Variants in GREB1 observed in about 807,000 individuals in gnomAD.
GREB1 encodes the protein growth regulating estrogen receptor binding 1.
In GREB1, 106 loss-of-function variants were observed where a neutral mutation model predicts 200.7. That is an observed-to-expected ratio of 0.53 (90% CI 0.45 to 0.62). GREB1 has a LOEUF of 0.62. Ranked by LOEUF, GREB1 falls within the 20% of genes least tolerant of loss-of-function variation. The probability of loss-of-function intolerance (pLI) is 0.00; values close to 1 mark genes in which losing one functional copy is unlikely to be tolerated. For missense variants in GREB1, 2,243 were observed against 2,556.8 expected (o/e 0.88, Z 2.65); for synonymous variants, 1,132 against 1,092.4 (o/e 1.04, Z -0.72).
chr2:11,514,388 C>CT (rs1246127368), intron 1 of GREB1, among the ~76,000 whole-genome samples: 2 of 152,232 alleles, frequency 1.3e-5, no homozygotes, highest in Admixed American at 6.5e-5. Context: ...GTTGGAGACT[C>CT]TGACTCCAGA....
chr2:11,548,217 G>GCCAGACATGTGCACACATGTGCACATAC lies in GREB1; in HGVS notation c.-161-8233_-161-8206dup, dbSNP rs1301874984. ...CACCACACATTCTCACATGCACACA[G>GCCAGACATGTGCACACATGTGCACATAC]CCAGACATGTGCACACATGTGCACA... is the stretch of plus-strand genomic sequence containing the variant. On this transcript the variant is annotated intron_variant, in intron 1 of 32. Transcript: ENST00000381486. This position sits in a 1 kb window ranked among gnomAD's most constrained non-coding sequence, Gnocchi z 5.1. Among the ~76,000 whole-genome samples, 1 of 149,486 alleles carries GCCAGACATGTGCACACATGTGCACATAC rather than the reference G, an allele frequency of 6.7e-6. No individual in the cohort carries two copies. The highest frequency in any genetic ancestry group is 1.5e-5 in the Non-Finnish European group (1 of 67,674).
At chr2:11,631,172 G>A (rs1684845374) in intron 26 of GREB1, among the ~76,000 whole-genome samples, 1 of 152,176 alleles carries the variant, frequency 6.6e-6, no homozygotes, top group African/African-American at 2.4e-5. Context: ...ACAGTGTTGT[G>A]GCAGGTGCTC....
chr2:11,546,823 T>G (rs1056707337), intron 1 of GREB1, among the ~76,000 whole-genome samples: 2 of 152,204 alleles, frequency 1.3e-5, no homozygotes, highest in African/African-American at 4.8e-5. Flanking sequence ...TGCCTTAACT[T>G]TCTATAAAAT....
intron 4 of GREB1, among the ~76,000 whole-genome samples, chr2:11,567,107 CTGTTTGTTTGCT>C (rs1386155678): frequency 6.6e-6 from 1 of 152,106 alleles, no homozygotes; most frequent in Non-Finnish European, 1.5e-5. Context: ...AATACATGGT[CTGTTTGTTTGCT>C]TGTTTGTTTG....
At position 11,639,463 on chromosome 2, in the gene GREB1, G is replaced by A. The variant is rs115049596; in HGVS notation, c.5686+654G>A. On this transcript the variant is annotated intron_variant, in intron 32 of 32. Transcript: ENST00000381486. ...GCTGACACTCTTCCTCCTGGTAGAC[G>A]AGTCTTTCTCCTCATCCTGGGAGGT... 1.1e-3 allele frequency among the ~76,000 whole-genome samples: 164 copies of A among 152,294 alleles called. 1 individual carries two copies. Among genetic ancestry groups the A allele is most frequent in the African/African-American group, 3.8e-3 (158 of 41,552 alleles).
upstream of GREB1, among the ~76,000 whole-genome samples, chr2:11,529,305 A>T (rs1187441185): frequency 6.6e-6 from 1 of 152,236 alleles, no homozygotes; most frequent in African/African-American, 2.4e-5. Context: ...TGGCTTAGGA[A>T]TTGGAAAGAA....
In GREB1 at chr2:11,595,234, A is replaced by G; in HGVS notation, c.1697-17A>G. On this transcript the variant is annotated splice_polypyrimidine_tract_variant and intron_variant, in intron 11 of 32. Coordinates refer to ENST00000381486, the MANE Select transcript of GREB1 (RefSeq NM_014668.4). ...GGGAAGATACAATGGGTACTGTGAAATCTGTTTGCTTTCCAGGAAAATACC... is the reference window on the plus strand; with the variant it reads ...GGGAAGATACAATGGGTACTGTGAAGTCTGTTTGCTTTCCAGGAAAATACC... 1 of 1,607,394 alleles carries G rather than the reference A, an allele frequency of 6.2e-7. No homozygotes were observed. The highest frequency in any genetic ancestry group is 1.7e-4 in the Middle Eastern group (1 of 6,052).
rs1685760896 is a variant in GREB1, at chr2:11,640,775, A to C, written c.*321A>C. The C allele has an allele frequency of 3.6e-6, 1 of 277,216 alleles. No individual in the cohort carries two copies. Among genetic ancestry groups the C allele is most frequent in the Non-Finnish European group, 6.7e-6 (1 of 150,112 alleles). The allele number at this position is 277,216 out of a possible 1,614,324, so 17.2% of individuals were successfully genotyped here. ...TCGTGTGCTTCCATGGACAAACCTG[A>C]TTTTTTTCTCTTAGTTCTAAAGAAT... is the stretch of plus-strand genomic sequence containing the variant. On this transcript the variant is annotated 3_prime_UTR_variant, in exon 33 of 33. Coordinates refer to ENST00000381486, the MANE Select transcript of GREB1 (RefSeq NM_014668.4). This position sits in a 1 kb window ranked among gnomAD's most constrained non-coding sequence, Gnocchi z 4.6.
intron 24 of GREB1, 122 bp downstream of exon 24, chr2:11,625,434 A>G (rs901264625): frequency 3.2e-6 from 3 of 934,106 alleles, no homozygotes; most frequent in Non-Finnish European, 5.0e-6. Flanking sequence ...CATACCTAGT[A>G]CAGAACTGAG....
chr2:11,629,833 C>A lies in GREB1; in HGVS notation c.4450-115C>A. On this transcript the variant is annotated intron_variant, in intron 25 of 32. Transcript: ENST00000381486. The surrounding 1 kb of genome is among the most constrained non-coding windows in gnomAD (Gnocchi z 5.2). ...GGAGTCACCCCGTGGGTTTCTTGTG[C>A]TGTAGGGAAGTGGTGACTGTGAGCT... 1 of 1,033,568 alleles carries A rather than the reference C, an allele frequency of 9.7e-7. No individual in the cohort carries two copies. Among genetic ancestry groups the A allele is most frequent in the Non-Finnish European group, 1.4e-6 (1 of 691,496 alleles). 64.0% of individuals were successfully genotyped at this position (1,033,568 alleles called of 1,614,324 possible). A position where few individuals can be genotyped will look rare whatever the true frequency, so the allele number is the denominator to read the frequency against.
In GREB1 at chr2:11,566,546, C is replaced by T. The variant is rs142882892; in HGVS notation, c.344C>T (p.Ala115Val). The T allele has an allele frequency of 0.016, 25,728 of 1,614,008 alleles. 246 individuals are homozygous for T. Among genetic ancestry groups the T allele is most frequent in the Non-Finnish European group, 0.018 (21,729 of 1,179,956 alleles). ...SISNEPMDVP[A>V]GFLLVGVKSP... ...TCCAACGAGCCCATGGATGTCCCTG[C>T]GGGCTTTCTCCTCGTGGGGGTCAAG... Residue 115 changes from alanine (A) to valine (V), a missense_variant, in exon 4 of 33, where the codon GCG (alanine) becomes GTG (valine). Transcript: ENST00000381486.
At chr2:11,489,362 G>A (rs144273701) in intron 1 of GREB1, among the ~76,000 whole-genome samples, 4,000 of 152,296 alleles carry the variant, frequency 0.026, 169 homozygotes, top group African/African-American at 0.085. Flanking sequence ...GGGAGGCTGA[G>A]GCAGGAGAAT....
chr2:11,615,589 A>G (rs1158632567), intron 20 of GREB1, among the ~76,000 whole-genome samples: 1 of 152,214 alleles, frequency 6.6e-6, no homozygotes, highest in African/African-American at 2.4e-5. Context: ...AAGAAAAATT[A>G]AGATTTCTTA....
chr2:11,573,913 A>G (rs944174174), intron 4 of GREB1, among the ~76,000 whole-genome samples: 1 of 152,194 alleles, frequency 6.6e-6, no homozygotes, highest in Non-Finnish European at 1.5e-5. Flanking sequence ...GAGGTTTGAC[A>G]GCCTGGCCTT....
chr2:11,623,981 A>G (rs1289719212), intron 23 of GREB1, among the ~76,000 whole-genome samples: 2 of 152,184 alleles, frequency 1.3e-5, no homozygotes, highest in East Asian at 3.9e-4. Context: ...AAGAAAGAAG[A>G]CATTTTTGAT....
chr2:11,616,506 C>T (rs1441277143), intron 20 of GREB1, 125 bp from the exon 21 acceptor site: 11 of 721,434 alleles, frequency 1.5e-5, no homozygotes, highest in Non-Finnish European at 2.3e-5. Flanking sequence ...TGGAAGATGG[C>T]AGTGAATGAG....
At chr2:11,520,018 G>A (rs1041633282) in intron 1 of GREB1, among the ~76,000 whole-genome samples, 1 of 152,028 alleles carries the variant, frequency 6.6e-6, no homozygotes, top group Non-Finnish European at 1.5e-5. Context: ...TGGGTTTGTG[G>A]TCCCAGCTAC....
At chr2:11,575,313 G>C (rs1572766883) in intron 4 of GREB1, among the ~76,000 whole-genome samples, 2 of 152,344 alleles carry the variant, frequency 1.3e-5, no homozygotes, top group South Asian at 4.1e-4. Context: ...TTAAATAAGA[G>C]CAGTCAGCCT....
intron 9 of GREB1, chr2:11,588,395 GC>G: frequency 1.6e-6 from 1 of 643,474 alleles, no homozygotes; most frequent in Non-Finnish European, 2.3e-6. Context: ...AAGGTGCTCT[GC>G]CCACAAGGTG....
Sources: allele counts gnomAD v4.1 joint callset (sites outside exome capture counted in the v4.1 genomes callset), GRCh38; gene constraint gnomAD v4.1.1; non-coding constraint Gnocchi (gnomAD v3.1); transcripts MANE v1.5; gene names NCBI Gene and HGNC (gene_info 2026-07-23, HGNC 2026-07-21).